TRPM1: variants seen among roughly 807,000 people sequenced by gnomAD.
TRPM1 encodes TRPM1-203 APA Isoform, Intron 10.
Under a neutral mutation model 149.4 loss-of-function variants are expected in TRPM1, and 113 were observed. The observed-to-expected ratio is 0.76, with a 90% CI of 0.65 to 0.88. The LOEUF is 0.88. Ranked by LOEUF, TRPM1 falls within the 40% of genes least tolerant of loss-of-function variation. The pLI is 0.00. For missense variants in TRPM1, 1,976 were observed against 2,038.7 expected (o/e 0.97, Z 0.59); for synonymous variants, 741 against 759.5 (o/e 0.98, Z 0.40).
chr15:31,094,810 T>C (rs2035333712), intron 1 of TRPM1, among the ~76,000 whole-genome samples: 1 of 152,150 alleles, frequency 6.6e-6, no homozygotes, highest in African/African-American at 2.4e-5. Context: ...CTTTGGAAAA[T>C]GATTTGGCAG....
At chr15:31,112,668 G>C (rs985003821) in intron 1 of TRPM1, among the ~76,000 whole-genome samples, 1 of 152,212 alleles carries the variant, frequency 6.6e-6, no homozygotes, top group East Asian at 1.9e-4. Context: ...ATAGCTCTTA[G>C]AGTACTGCGT....
upstream of TRPM1, chr15:31,101,797 G>T: frequency 3.4e-6 from 3 of 885,408 alleles, no homozygotes; most frequent in Non-Finnish European, 4.1e-6. Flanking sequence ...TTGGGCCTGG[G>T]CCCTCATGAT....
chr15:31,145,036 T>G (rs993865707), intron 1 of TRPM1, among the ~76,000 whole-genome samples: 1 of 152,206 alleles, frequency 6.6e-6, no homozygotes, highest in Non-Finnish European at 1.5e-5. Flanking sequence ...TTTTGAGTTT[T>G]TATTATCTGT....
Position 31,060,625 on chromosome 15 carries a change from T to C in TRPM1, c.1182A>G (p.Pro394=). 2 of 1,614,174 alleles carry C rather than the reference T, an allele frequency of 1.2e-6. No homozygotes were observed. The highest frequency in any genetic ancestry group is 1.7e-6 in the Non-Finnish European group (2 of 1,180,016). Residue 394 remains proline, a synonymous_variant, in exon 11 of 28, where the codon CCA becomes CCG. Coordinates refer to ENST00000256552, the MANE Select transcript of TRPM1 (RefSeq NM_001252024.2). ...ALLKGTNVSA[P]DQLSLALAWN... ...AAGCCAGTGCCAAGCTCAGCTGATC[T>C]GGAGCAGATACGTTTGTTCCTGGAA...
chr15:31,127,256 T>G (rs74010797), intron 1 of TRPM1, among the ~76,000 whole-genome samples: 4,435 of 152,276 alleles, frequency 0.029, 220 homozygotes, highest in African/African-American at 0.1. Context: ...TTTGTGTATG[T>G]TTCTCATTCT....
upstream of TRPM1, among the ~76,000 whole-genome samples, chr15:31,104,586 CTTTTT>C (rs928062797): frequency 1.7e-4 from 15 of 87,484 alleles, no homozygotes; most frequent in East Asian, 3.6e-4. Context: ...GGTGATCTTC[CTTTTT>C]TTTTTTTTTT....
At chr15:31,106,475 T>A (rs1409286667), upstream of TRPM1, among the ~76,000 whole-genome samples, 1 of 152,198 alleles carries the variant, frequency 6.6e-6, no homozygotes. Flanking sequence ...GTTTTATCCT[T>A]TCACTTTTTA....
chr15:31,047,381 G>C, intron 14 of TRPM1, 130 bp from the exon 15 acceptor site: 10 of 990,202 alleles, frequency 1.0e-5, no homozygotes, highest in Non-Finnish European at 1.6e-5. Flanking sequence ...GTGGGTGGGG[G>C]ATTAAACAAT....
chr15:31,051,997 C>T (rs1206833069), intron 11 of TRPM1, among the ~76,000 whole-genome samples: 1 of 152,144 alleles, frequency 6.6e-6, no homozygotes. Context: ...CTATGTGCAG[C>T]CATGTTTAAT....
rs1285742969 is a variant in TRPM1 at position 31,030,861 on chromosome 15, G to A, written c.3127+122C>T. On this transcript the variant is annotated intron_variant, in intron 23 of 27. Transcript: ENST00000256552. ...TTATTTCTTTGTAAAATAATTTGAT[G>A]CCTATGGTGGAGTGACAAATATTTT... 3 of 1,067,746 alleles carry A rather than the reference G, an allele frequency of 2.8e-6. No homozygotes were observed. In the African/African-American group the frequency reaches 4.7e-5, roughly 17 times the overall value. The allele number at this position is 1,067,746 out of a possible 1,614,324, so 66.1% of individuals were successfully genotyped here.
chr15:31,093,475 G>A (rs2035295281), intron 1 of TRPM1, among the ~76,000 whole-genome samples: 1 of 151,986 alleles, frequency 6.6e-6, no homozygotes, highest in African/African-American at 2.4e-5. Context: ...AGAGGTGAAG[G>A]CCTTGTACAC....
intron 1 of TRPM1, among the ~76,000 whole-genome samples, chr15:31,084,473 T>C (rs1389508326): frequency 1.3e-5 from 2 of 152,170 alleles, no homozygotes; most frequent in African/African-American, 2.4e-5. Flanking sequence ...TGTGGCCTTT[T>C]GTGTCTGGCT....
chr15:31,010,578 T>C (rs1218410263), intron 27 of TRPM1, among the ~76,000 whole-genome samples: 1 of 152,222 alleles, frequency 6.6e-6, no homozygotes, highest in Non-Finnish European at 1.5e-5. Flanking sequence ...TATTTGTAAA[T>C]TTTCCAAATT....
At position 31,143,097 on chromosome 15, in the gene TRPM1, C is replaced by T. The variant is rs542282764; in HGVS notation, c.54+17809G>A. Among the ~76,000 whole-genome samples, 3 of 152,268 alleles carry T rather than the reference C, an allele frequency of 2.0e-5. No homozygotes were observed. In the South Asian group the frequency reaches 6.2e-4, roughly 32 times the overall value. On this transcript the variant is annotated intron_variant, in intron 1 of 26. Coordinates refer to the TRPM1 transcript ENST00000542188. ...CTTTATTCTGATGCCTTTCTGAAAGCTTTTTGCAGGCAACTATAATTCTAA... is the reference window on the plus strand; with the variant it reads ...CTTTATTCTGATGCCTTTCTGAAAGTTTTTTGCAGGCAACTATAATTCTAA...
intron 24 of TRPM1, among the ~76,000 whole-genome samples, chr15:31,028,981 G>A (rs1196697364): frequency 1.3e-5 from 2 of 151,950 alleles, no homozygotes; most frequent in Non-Finnish European, 2.9e-5. Flanking sequence ...ATCAGCTTAT[G>A]TTGTCTTCTG....
At chr15:31,118,729 TCTC>T (rs905135837) in intron 1 of TRPM1, among the ~76,000 whole-genome samples, 11 of 152,164 alleles carry the variant, frequency 7.2e-5, no homozygotes, top group Non-Finnish European at 2.9e-5. Context: ...ATTGCCAGCT[TCTC>T]ATTGTATCCT....
intron 1 of TRPM1, among the ~76,000 whole-genome samples, chr15:31,095,609 C>T (rs2035357999): frequency 6.6e-6 from 1 of 151,936 alleles, no homozygotes; most frequent in South Asian, 2.1e-4. Context: ...AGCTTGAACC[C>T]AGGAGGCAGA....
At chr15:31,091,363 A>C (rs978251797) in intron 1 of TRPM1, among the ~76,000 whole-genome samples, 1 of 152,226 alleles carries the variant, frequency 6.6e-6, no homozygotes, top group Non-Finnish European at 1.5e-5. Flanking sequence ...CGATGTCACT[A>C]TCCATGTTAA....
intron 27 of TRPM1, 28 bp downstream of exon 27, chr15:31,026,111 G>T: frequency 6.2e-7 from 1 of 1,608,476 alleles, no homozygotes. Flanking sequence ...CTTGGCTCAC[G>T]GGCCCGCGGT....
Sources: allele counts gnomAD v4.1 joint callset (sites outside exome capture counted in the v4.1 genomes callset), GRCh38; gene constraint gnomAD v4.1.1; transcripts MANE v1.5; gene names NCBI Gene and HGNC (gene_info 2026-07-23, HGNC 2026-07-21).